NRCAM: variants seen among roughly 807,000 people sequenced by gnomAD.
NRCAM encodes NgCAM-related cell adhesion molecule.
A neutral mutation model predicts 156.5 loss-of-function variants in NRCAM; 83 were observed. The observed-to-expected ratio is 0.53, with a 90% CI of 0.44 to 0.64. The LOEUF (loss-of-function observed/expected upper bound fraction) is 0.64, where lower values mean the gene tolerates loss of function less well. Among genes scored for constraint, NRCAM ranks in the 30% least tolerant of loss-of-function variants. NRCAM has a pLI of 0.00. For missense variants in NRCAM, 1,417 were observed against 1,597.3 expected (o/e 0.89, Z 1.92); for synonymous variants, 538 against 563.9 (o/e 0.95, Z 0.65).
intron 32 of NRCAM, among the ~76,000 whole-genome samples, chr7:108,152,153 G>T (rs564697844): frequency 6.6e-6 from 1 of 152,116 alleles, no homozygotes; most frequent in Non-Finnish European, 1.5e-5. Flanking sequence ...GTCAGAAGAG[G>T]ATTAGCACTA....
At chr7:108,255,917 G>T (rs1420663271) in intron 3 of NRCAM, among the ~76,000 whole-genome samples, 1 of 151,768 alleles carries the variant, frequency 6.6e-6, no homozygotes, top group African/African-American at 2.4e-5. Flanking sequence ...GGGAGGTGGG[G>T]GGCAGCCCCC....
chr7:108,166,922 T>TGG lies in NRCAM; in HGVS notation c.3463_3464dup (p.Ala1156GlnfsTer19), dbSNP rs1408736761. On this transcript the variant is annotated frameshift_variant and splice_region_variant, in exon 30 of 33. Transcript: ENST00000379028. LOFTEE classifies it high-confidence loss of function. The stretch of plus-strand genomic sequence containing the variant: ...GAACAGGTGTGGTGTGAGCCTCACC[T>TGG]GGGCCTGTCTCAAACACATCCTCTG... 6 of 1,613,714 alleles carry TGG rather than the reference T, an allele frequency of 3.7e-6. No individual in the cohort carries two copies. The highest frequency in any genetic ancestry group is 5.1e-6 in the Non-Finnish European group (6 of 1,179,802).
chr7:108,292,396 T>C (rs2098328653), intron 3 of NRCAM, among the ~76,000 whole-genome samples: 4 of 152,236 alleles, frequency 2.6e-5, no homozygotes, highest in Admixed American at 2.0e-4. Context: ...GTTAGAATAC[T>C]GAAACAATAT....
chr7:108,252,279 C>T (rs1162861156), intron 3 of NRCAM, among the ~76,000 whole-genome samples: 1 of 152,170 alleles, frequency 6.6e-6, no homozygotes, highest in East Asian at 1.9e-4. Flanking sequence ...GGTTTCTTGC[C>T]TGCCAAAGTT....
At chr7:108,216,120 C>T (rs1169569989) in intron 11 of NRCAM, among the ~76,000 whole-genome samples, 1 of 152,108 alleles carries the variant, frequency 6.6e-6, no homozygotes, top group Non-Finnish European at 1.5e-5. Context: ...TGACAAAACC[C>T]CTCAGGATTT....
chr7:108,251,677 C>A (rs1179709642), intron 3 of NRCAM, among the ~76,000 whole-genome samples: 1 of 152,208 alleles, frequency 6.6e-6, no homozygotes, highest in African/African-American at 2.4e-5. Flanking sequence ...CCACATGGTG[C>A]TGTCTCAACC....
rs1819348869 is a variant in NRCAM, at chr7:108,427,819, CA to C, written c.-331-28227del. Among the ~76,000 whole-genome samples, 6 of 152,262 alleles carry C rather than the reference CA, an allele frequency of 3.9e-5. No homozygotes were observed. In the South Asian group the frequency reaches 1.2e-3, roughly 32 times the overall value. ...AAACAGCAAATCCAAGAAACTCCAC[CA>C]AATACAGTTATTTCAATCTTGCTCT... On this transcript the variant is annotated intron_variant, in intron 1 of 32. Coordinates refer to ENST00000379028, the MANE Select transcript of NRCAM (RefSeq NM_001037132.4).
chr7:108,241,124 T>G (rs1216090376), intron 3 of NRCAM, among the ~76,000 whole-genome samples: 4 of 152,224 alleles, frequency 2.6e-5, no homozygotes, highest in African/African-American at 9.6e-5. Flanking sequence ...CCACCACCCC[T>G]GAATTCCTGA....
intron 5 of NRCAM, among the ~76,000 whole-genome samples, chr7:108,235,799 TTCCACACAACAAAGACTTA>T (rs1294495574): frequency 6.6e-6 from 1 of 152,118 alleles, no homozygotes; most frequent in African/African-American, 2.4e-5. Flanking sequence ...TACAGGACAA[TTCCACACAACAAAGACTTA>T]TCTGGTCTCA....
chr7:108,242,026 C>A (rs187247376), intron 3 of NRCAM, among the ~76,000 whole-genome samples: 10 of 152,026 alleles, frequency 6.6e-5, no homozygotes, highest in Non-Finnish European at 1.3e-4. Flanking sequence ...GTAATCCAAG[C>A]ATTTTGGGAG....
Position 108,182,820 on chromosome 7 carries a change from T to C in NRCAM, c.2405A>G (p.Asn802Ser). 6.2e-7 allele frequency: 1 copy of C among 1,614,244 alleles called. No individual in the cohort carries two copies. ...DDEWTSVVVANVSKYIVSGTP... is the reference protein window; with the variant it reads ...DDEWTSVVVASVSKYIVSGTP... ...GCCTGAGACAATATATTTGGATACA[T>C]TTGCCACAACCACAGATGTCCATTC... The change falls in exon 23 of 33, where the codon AAT (asparagine) becomes AGT (serine). Residue 802 changes from asparagine to serine, a missense_variant. Asn to Ser is a conservative substitution (Grantham distance 46). Around this residue, in one of 2 missense-constraint regions of NRCAM, gnomAD observed 1,238 missense variants for 1,336.4 expected, o/e 0.93. Coordinates refer to ENST00000379028, the MANE Select transcript of NRCAM (RefSeq NM_001037132.4).
intron 1 of NRCAM, among the ~76,000 whole-genome samples, chr7:108,420,914 A>T (rs995318644): frequency 2.0e-5 from 3 of 152,236 alleles, no homozygotes; most frequent in African/African-American, 4.8e-5. Flanking sequence ...ATGGGAAGAA[A>T]CTATTCATGA....
intron 3 of NRCAM, among the ~76,000 whole-genome samples, chr7:108,292,144 G>A (rs1350659300): frequency 1.3e-5 from 2 of 152,136 alleles, no homozygotes; most frequent in African/African-American, 4.8e-5. Context: ...TTTTAAAATG[G>A]TACCAACTAA....
chr7:108,266,446 G>C (rs1316886357), intron 3 of NRCAM, among the ~76,000 whole-genome samples: 2 of 152,184 alleles, frequency 1.3e-5, no homozygotes, highest in African/African-American at 4.8e-5. Context: ...TGAGGCTTAT[G>C]GTCATCTGCT....
chr7:108,299,160 A>AAAC (rs1252709523), intron 3 of NRCAM, among the ~76,000 whole-genome samples: 1 of 146,664 alleles, frequency 6.8e-6, no homozygotes, highest in Non-Finnish European at 1.5e-5. Context: ...AAAAAAAAAA[A>AAAC]AAACCCAAAA....
chr7:108,436,700 T>G (rs1021480068), intron 1 of NRCAM, among the ~76,000 whole-genome samples: 4 of 152,192 alleles, frequency 2.6e-5, no homozygotes, highest in Non-Finnish European at 5.9e-5. Flanking sequence ...CTACAAATAC[T>G]TTTTAAAAAG....
chr7:108,352,217 T>C (rs1228676957), intron 2 of NRCAM, among the ~76,000 whole-genome samples: 1 of 152,240 alleles, frequency 6.6e-6, no homozygotes, highest in Non-Finnish European at 1.5e-5. Context: ...TAACTTGGAA[T>C]GCAAGATATT....
chr7:108,202,647 A>G (rs2078805193), intron 13 of NRCAM, among the ~76,000 whole-genome samples: 1 of 152,208 alleles, frequency 6.6e-6, no homozygotes, highest in African/African-American at 2.4e-5. Flanking sequence ...TAGTTTTGTG[A>G]AAAGGAAGAA....
intron 2 of NRCAM, among the ~76,000 whole-genome samples, chr7:108,333,271 CACAT>C (rs2099145655): frequency 2.6e-5 from 4 of 152,116 alleles, no homozygotes; most frequent in Admixed American, 2.6e-4. Flanking sequence ...TATATTTAAA[CACAT>C]ACACGCACAC....
Sources: gnomAD v4.1 joint callset for allele counts (sites outside exome capture counted in the v4.1 genomes callset) on GRCh38, gnomAD v4.1.1 for gene constraint, gnomAD v4.1.1 regional missense constraint, MANE v1.5 for transcripts, NCBI Gene and HGNC (gene_info 2026-07-23, HGNC 2026-07-21) for gene names.